The following RFTN2 variants were observed in gnomAD, a reference collection of about 807,000 sequenced individuals.
RFTN2 encodes the protein raftlin family member 2, also known as raftlin-2.
Under a neutral mutation model 52.7 loss-of-function variants are expected in RFTN2, and 34 were observed. The ratio of observed to expected loss-of-function variants is 0.64; its 90% CI spans 0.49 to 0.86. RFTN2 has a LOEUF of 0.86. RFTN2 is among the 40% of genes least tolerant of loss of function. The probability of loss-of-function intolerance (pLI) is 0.00; values close to 1 mark genes in which losing one functional copy is unlikely to be tolerated. For missense variants in RFTN2, 536 were observed against 600.1 expected (o/e 0.89, Z 1.12); for synonymous variants, 203 against 217.7 (o/e 0.93, Z 0.59).
chr2:197,590,904 C>T (rs1038969898), intron 8 of RFTN2, among the ~76,000 whole-genome samples: 6 of 152,094 alleles, frequency 3.9e-5, no homozygotes, highest in African/African-American at 1.4e-4. Context: ...CAATTTATTG[C>T]AAAAAGTAAA....
chr2:197,595,980 A>G lies in RFTN2; in HGVS notation c.1233+11T>C, dbSNP rs1338537527. ...ATAACATTCAGTTAATAAAGCATCA[A>G]TTTTACTCACATCTGGTGTTTGAGC... is the stretch of plus-strand genomic sequence containing the variant. On this transcript the variant is annotated intron_variant, in intron 8 of 8. Coordinates refer to ENST00000295049, the MANE Select transcript of RFTN2 (RefSeq NM_144629.3). The G allele has an allele frequency of 1.3e-6, 2 of 1,558,394 alleles. No individual in the cohort carries two copies. Among genetic ancestry groups the G allele is most frequent in the Non-Finnish European group, 8.8e-7 (1 of 1,130,610 alleles).
chr2:197,586,596 C>T (rs974126006), intron 8 of RFTN2, among the ~76,000 whole-genome samples: 9 of 152,066 alleles, frequency 5.9e-5, no homozygotes, highest in South Asian at 2.1e-4. Context: ...GACACTGACA[C>T]GACAAAAAAG....
At chr2:197,654,409 A>C (rs528334222) in intron 1 of RFTN2, among the ~76,000 whole-genome samples, 2 of 152,242 alleles carry the variant, frequency 1.3e-5, no homozygotes, top group Admixed American at 1.3e-4. Context: ...CAAACAAAAA[A>C]ATCAAAAACA....
At chr2:197,659,625 C>A (rs2088948180) in intron 1 of RFTN2, among the ~76,000 whole-genome samples, 1 of 151,942 alleles carries the variant, frequency 6.6e-6, no homozygotes, top group Non-Finnish European at 1.5e-5. Flanking sequence ...CAAGACTATC[C>A]TGGCCAACAT....
chr2:197,655,842 CAT>C (rs1261191069), intron 1 of RFTN2, among the ~76,000 whole-genome samples: 1 of 152,168 alleles, frequency 6.6e-6, no homozygotes, highest in African/African-American at 2.4e-5. Context: ...CAAAACAACT[CAT>C]ATTTGTTTTG....
At chr2:197,596,157 G>T in intron 7 of RFTN2, 88 bp from the exon 8 acceptor site, 1 of 641,112 alleles carries the variant, frequency 1.6e-6, no homozygotes, top group Non-Finnish European at 2.6e-6. Flanking sequence ...ATGTAGTTTT[G>T]TAAAATAATC....
chr2:197,587,916 C>A, intron 8 of RFTN2: 1 of 456,938 alleles, frequency 2.2e-6, no homozygotes, highest in Admixed American at 2.6e-5. Context: ...AGAGGTGGGG[C>A]CCAGACCCAG....
chr2:197,671,606 C>T (rs893531285), intron 1 of RFTN2, among the ~76,000 whole-genome samples: 11 of 152,236 alleles, frequency 7.2e-5, no homozygotes, highest in Non-Finnish European at 4.4e-5. Context: ...AGGGCAGAAA[C>T]TGTCTTATTC....
intron 8 of RFTN2, among the ~76,000 whole-genome samples, chr2:197,583,850 T>C (rs919478431): frequency 1.3e-5 from 2 of 152,122 alleles, no homozygotes; most frequent in African/African-American, 4.8e-5. Flanking sequence ...ATTGTTCAAT[T>C]CCAAACTATG....
chr2:197,652,241 G>A (rs2088836107), intron 1 of RFTN2, among the ~76,000 whole-genome samples: 2 of 152,168 alleles, frequency 1.3e-5, no homozygotes, highest in South Asian at 2.1e-4. Context: ...AAGAATATGA[G>A]TCCTGGTGGC....
Position 197,617,672 on chromosome 2 carries a change from C to A in RFTN2, c.1050+128G>T, listed in dbSNP as rs115899896. 9.9e-3 allele frequency: 2,478 copies of A among 249,856 alleles called. 21 individuals carry two copies. The highest frequency in any genetic ancestry group is 0.013 in the Middle Eastern group (8 of 604). 15.5% of individuals were successfully genotyped at this position (249,856 alleles called of 1,614,324 possible). A position where few individuals can be genotyped will look rare whatever the true frequency, so the allele number is the denominator to read the frequency against. On this transcript the variant is annotated intron_variant, in intron 6 of 8. Transcript: ENST00000295049. The stretch of plus-strand genomic sequence containing the variant: ...CTCCAGCCTGGGTAACAGAGTAAGG[C>A]CCTGACTCAAAAAAACAAAAACAAA...
chr2:197,577,809 C>A (rs1160704258), intron 8 of RFTN2, among the ~76,000 whole-genome samples: 1 of 152,196 alleles, frequency 6.6e-6, no homozygotes, highest in African/African-American at 2.4e-5. Flanking sequence ...TTGACTACCT[C>A]CTGGGCTCAA....
chr2:197,629,675 T>TACACACAAACAC (rs138797874), intron 5 of RFTN2, among the ~76,000 whole-genome samples: 1 of 146,514 alleles, frequency 6.8e-6, no homozygotes, highest in East Asian at 2.0e-4. Context: ...TTAATTTTTA[T>TACACACAAACAC]ACACACACAC....
chr2:197,618,824 G>A (rs1213683502), intron 5 of RFTN2, among the ~76,000 whole-genome samples: 2 of 151,342 alleles, frequency 1.3e-5, no homozygotes, highest in East Asian at 3.9e-4. Flanking sequence ...CGCCCCGTCT[G>A]AGAAGTGAGG....
rs753519789 is a variant in RFTN2, at chr2:197,608,310, A to ATTT, written c.1154+7563_1154+7565dup. 9.3e-4 allele frequency among the ~76,000 whole-genome samples: 123 copies of ATTT among 132,230 alleles called. 1 individual carries two copies. Among genetic ancestry groups the ATTT allele is most frequent in the African/African-American group, 3.1e-3 (111 of 35,426 alleles). The allele number at this position is 132,230 out of a possible 152,430, so 86.7% of individuals were successfully genotyped here. ...TTCACATCTTGTCCTTAGGGACCAG[A>ATTT]TTTTTTTTTTTTTTTTTTTGAGACA... On this transcript the variant is annotated intron_variant, in intron 7 of 8. Transcript: ENST00000295049.
At chr2:197,668,543 C>T (rs930777093) in intron 1 of RFTN2, among the ~76,000 whole-genome samples, 1 of 152,140 alleles carries the variant, frequency 6.6e-6, no homozygotes, top group Non-Finnish European at 1.5e-5. Flanking sequence ...TCATTGATGC[C>T]TCAGCCCAGA....
chr2:197,592,007 G>A (rs2087723814), intron 8 of RFTN2, among the ~76,000 whole-genome samples: 1 of 152,158 alleles, frequency 6.6e-6, no homozygotes, highest in Non-Finnish European at 1.5e-5. Context: ...GGGCTCCCAT[G>A]GTGCAGCGGC....
intron 8 of RFTN2, among the ~76,000 whole-genome samples, chr2:197,585,394 AT>A (rs2087580620): frequency 6.6e-6 from 1 of 152,122 alleles, no homozygotes; most frequent in African/African-American, 2.4e-5. Flanking sequence ...CCTTCAAACC[AT>A]CATAACTGAT....
At chr2:197,598,958 C>CTT (rs759636529) in intron 7 of RFTN2, among the ~76,000 whole-genome samples, 5 of 145,316 alleles carry the variant, frequency 3.4e-5, no homozygotes, top group African/African-American at 5.0e-5. Context: ...TCTTCTTCTT[C>CTT]TTTTTTTTTT....
Sources: gnomAD v4.1 joint callset for allele counts (sites outside exome capture counted in the v4.1 genomes callset) on GRCh38, gnomAD v4.1.1 for gene constraint, MANE v1.5 for transcripts, NCBI Gene and HGNC (gene_info 2026-07-23, HGNC 2026-07-21) for gene names.